The following DLG2 variants were observed in gnomAD, a reference collection of about 807,000 sequenced individuals.
The protein encoded by DLG2 is discs large MAGUK scaffold protein 2.
A neutral mutation model predicts 132.5 loss-of-function variants in DLG2; 45 were observed. The observed-to-expected ratio is 0.34, with a 90% CI of 0.27 to 0.44. The LOEUF (loss-of-function observed/expected upper bound fraction) is 0.44. DLG2 is among the 20% of genes least tolerant of loss of function. The probability of loss-of-function intolerance (pLI) is 1.00; values close to 1 mark genes in which losing one functional copy is unlikely to be tolerated. For missense variants in DLG2, 1,045 were observed against 1,196.9 expected (o/e 0.87, Z 1.87); for synonymous variants, 424 against 419.6 (o/e 1.01, Z -0.13).
At chr11:84,322,181 G>T (rs977727918) in intron 7 of DLG2, among the ~76,000 whole-genome samples, 1 of 152,080 alleles carries the variant, frequency 6.6e-6, no homozygotes, top group African/African-American at 2.4e-5. Context: ...TAGGTATTCT[G>T]GTCTGTGTTC....
At chr11:85,083,244 G>C (rs1258234764) in intron 6 of DLG2, among the ~76,000 whole-genome samples, 2 of 152,094 alleles carry the variant, frequency 1.3e-5, no homozygotes, top group Admixed American at 6.5e-5. Flanking sequence ...GGAAGACCAG[G>C]GTTTCTCTGA....
intron 8 of DLG2, among the ~76,000 whole-genome samples, chr11:84,184,829 T>G (rs1228747896): frequency 6.6e-6 from 1 of 152,154 alleles, no homozygotes; most frequent in African/African-American, 2.4e-5. Context: ...AAATAGGGAA[T>G]CCTTTCCCCA....
intron 18 of DLG2, among the ~76,000 whole-genome samples, chr11:83,652,546 A>AT (rs1445728432): frequency 1.3e-5 from 2 of 152,096 alleles, no homozygotes; most frequent in East Asian, 3.9e-4. Context: ...AATTTTTGTT[A>AT]TTTTTAGTAG....
chr11:84,463,642 T>C (rs2099086313), intron 7 of DLG2, among the ~76,000 whole-genome samples: 1 of 151,170 alleles, frequency 6.6e-6, no homozygotes, highest in African/African-American at 2.4e-5. Flanking sequence ...GATACCCAAA[T>C]TAACTATGCA....
At chr11:85,430,266 T>C (rs1010641992) in intron 3 of DLG2, among the ~76,000 whole-genome samples, 2 of 151,452 alleles carry the variant, frequency 1.3e-5, no homozygotes, top group African/African-American at 4.9e-5. Context: ...GACGAGTTGA[T>C]GGGTGCAGCA....
At chr11:83,789,147 A>G (rs1566968745) in intron 17 of DLG2, among the ~76,000 whole-genome samples, 1 of 152,244 alleles carries the variant, frequency 6.6e-6, no homozygotes, top group Non-Finnish European at 1.5e-5. Flanking sequence ...GATATGTTGT[A>G]GATCTCCATT....
chr11:83,601,149 G>C (rs1208752246), intron 19 of DLG2, among the ~76,000 whole-genome samples: 1 of 152,190 alleles, frequency 6.6e-6, no homozygotes, highest in Non-Finnish European at 1.5e-5. Context: ...CTGAAGAAAT[G>C]AATGCAAAGT....
chr11:85,374,934 T>C (rs142522423), intron 3 of DLG2, among the ~76,000 whole-genome samples: 1 of 152,108 alleles, frequency 6.6e-6, no homozygotes, highest in East Asian at 1.9e-4. Context: ...AATGTTACGA[T>C]ACTTGCAATT....
At chr11:83,941,178 A>C (rs1418801711) in intron 14 of DLG2, among the ~76,000 whole-genome samples, 1 of 152,194 alleles carries the variant, frequency 6.6e-6, no homozygotes, top group African/African-American at 2.4e-5. Flanking sequence ...ATTTATACTG[A>C]AACTTATTCA....
chr11:84,345,234 G>C (rs977394221), intron 7 of DLG2, among the ~76,000 whole-genome samples: 3 of 152,168 alleles, frequency 2.0e-5, no homozygotes, highest in Non-Finnish European at 2.9e-5. Context: ...GCTGACCTGG[G>C]AAAATTACTG....
At chr11:84,078,824 A>G (rs903532137) in intron 10 of DLG2, among the ~76,000 whole-genome samples, 2 of 152,182 alleles carry the variant, frequency 1.3e-5, no homozygotes, top group Non-Finnish European at 2.9e-5. Context: ...GTTCCCAATG[A>G]CATTCCCAGT....
intron 17 of DLG2, among the ~76,000 whole-genome samples, chr11:83,811,138 T>C (rs977324490): frequency 1.3e-5 from 2 of 152,126 alleles, no homozygotes; most frequent in Non-Finnish European, 2.9e-5. Flanking sequence ...GAATATCTAC[T>C]TCAAAATGGT....
rs113282143 is a variant in DLG2, at chr11:85,397,421, C to T, written c.41-112056G>A. ...TCATAATGACAAGATCAAGTTCAAA[C>T]ATAATAATATTAACCTTAAATGTAA... is the stretch of plus-strand genomic sequence containing the variant. On this transcript the variant is annotated intron_variant, in intron 3 of 27. Coordinates refer to ENST00000376104, the MANE Select transcript of DLG2 (RefSeq NM_001142699.3). 2.5e-3 allele frequency among the ~76,000 whole-genome samples: 382 copies of T among 152,270 alleles called. 3 individuals carry two copies. The highest frequency in any genetic ancestry group is 8.9e-3 in the African/African-American group (370 of 41,554).
At chr11:84,190,711 C>T (rs756805008) in intron 8 of DLG2, among the ~76,000 whole-genome samples, 2 of 152,174 alleles carry the variant, frequency 1.3e-5, no homozygotes, top group Admixed American at 6.5e-5. Context: ...TTAGGAGATG[C>T]ACAATCTGCA....
chr11:84,593,232 AGT>A (rs2099548369), intron 6 of DLG2, among the ~76,000 whole-genome samples: 1 of 152,098 alleles, frequency 6.6e-6, no homozygotes, highest in Admixed American at 6.6e-5. Flanking sequence ...TGGAAGATAG[AGT>A]GGTGATTCTT....
At chr11:84,596,376 T>G (rs1450920192) in intron 6 of DLG2, among the ~76,000 whole-genome samples, 2 of 150,492 alleles carry the variant, frequency 1.3e-5, no homozygotes, top group Non-Finnish European at 3.0e-5. Flanking sequence ...CCCAGATAAT[T>G]TTCTTTTTTT....
intron 6 of DLG2, among the ~76,000 whole-genome samples, chr11:84,912,852 A>G (rs1318189568): frequency 2.0e-5 from 3 of 152,236 alleles, no homozygotes; most frequent in African/African-American, 4.8e-5. Context: ...GCAGTGAGAA[A>G]CACATAAGCT....
chr11:85,316,654 T>C lies in DLG2; in HGVS notation c.41-31289A>G, dbSNP rs1028963134. 3.3e-5 allele frequency among the ~76,000 whole-genome samples: 5 copies of C among 151,918 alleles called. No individual in the cohort carries two copies. The South Asian group carries it at 1.0e-3, about 31-fold the overall frequency. ...GCTAAAGATAGGATACAACTGGGTA[T>C]TTGAAGAGAGTGACCAGGACAAACT... On this transcript the variant is annotated intron_variant, in intron 3 of 27. Coordinates refer to ENST00000376104, the MANE Select transcript of DLG2 (RefSeq NM_001142699.3).
At chr11:83,707,620 G>C (rs1043502848) in intron 18 of DLG2, among the ~76,000 whole-genome samples, 1 of 152,230 alleles carries the variant, frequency 6.6e-6, no homozygotes, top group Non-Finnish European at 1.5e-5. Context: ...GCAGTGAGCT[G>C]AGGTGGTGCC....
Sources: allele counts gnomAD v4.1 joint callset (sites outside exome capture counted in the v4.1 genomes callset), GRCh38; gene constraint gnomAD v4.1.1; transcripts MANE v1.5; gene names NCBI Gene and HGNC (gene_info 2026-07-23, HGNC 2026-07-21).